SLC35F5: variants seen among roughly 807,000 people sequenced by gnomAD.
The protein encoded by SLC35F5 is HCV NS5A-transactivated protein 3.
A neutral mutation model predicts 68.6 loss-of-function variants in SLC35F5; 54 were observed. The ratio of observed to expected loss-of-function variants is 0.79; its 90% confidence interval spans 0.63 to 0.99. The LOEUF is 0.99. SLC35F5 is among the 50% of genes least tolerant of loss of function. SLC35F5 has a pLI of 0.00. For synonymous variants in SLC35F5, 211 were observed against 205.2 expected (o/e 1.03, Z -0.24); for missense variants, 567 against 626.9 (o/e 0.90, Z 1.02).
At chr2:113,704,769 T>C (rs1346192301), downstream of SLC35F5, among the ~76,000 whole-genome samples, 1 of 151,896 alleles carries the variant, frequency 6.6e-6, no homozygotes, top group African/African-American at 2.4e-5. Flanking sequence ...GCAGCCCCTG[T>C]TCCCGCCCTC....
At chr2:113,733,345 T>C in intron 9 of SLC35F5, 1 of 349,220 alleles carries the variant, frequency 2.9e-6, no homozygotes, top group South Asian at 2.3e-5. Flanking sequence ...AGAAGTAATG[T>C]ACTCTGTCAA....
chr2:113,727,817 T>C (rs1042836028), intron 11 of SLC35F5, among the ~76,000 whole-genome samples: 1 of 152,114 alleles, frequency 6.6e-6, no homozygotes, highest in South Asian at 2.1e-4. Context: ...CACATGTCTA[T>C]ATGCACTCTC....
Position 113,734,637 on chromosome 2 carries a change from C to T in SLC35F5, c.869G>A (p.Ser290Asn), listed in dbSNP as rs760926158. The change falls in exon 9 of 16, where the codon AGT becomes AAT. Residue 290 changes from serine to asparagine, a missense_variant. By Grantham distance (46) the Ser-to-Asn change is conservative. Transcript: ENST00000245680. ...AAGGGTAAATCTATCTCCACTGTTA[C>T]TTGGAAATACTGCAGCAAGGATTAA... is the stretch of plus-strand genomic sequence containing the variant. ...FTLILAAVFP[S>N]NSGDRFTLSK... 6.2e-7 allele frequency: 1 copy of T among 1,606,720 alleles called. No homozygotes were observed. Among genetic ancestry groups the T allele is most frequent in the Non-Finnish European group, 8.5e-7 (1 of 1,174,562 alleles).
chr2:113,755,015 G>A, intron 3 of SLC35F5, 150 bp downstream of exon 3: 2 of 661,362 alleles, frequency 3.0e-6, no homozygotes, highest in Non-Finnish European at 4.8e-6. Flanking sequence ...TTAACTTCAA[G>A]TGGCAATAAT....
At chr2:113,702,965 C>G (rs1458383991), downstream of SLC35F5, among the ~76,000 whole-genome samples, 1 of 152,002 alleles carries the variant, frequency 6.6e-6, no homozygotes, top group African/African-American at 2.4e-5. Context: ...AAAAACTTAG[C>G]CAGGCTTGTT....
rs2104950174 is a variant in SLC35F5, at chr2:113,710,026, G to C, written c.*5192C>G. Reference sequence around the variant, plus strand: ...GACAGGGGTCTTGCTGTATTGCCCAGCCTGATCTTGAACTCCTGGGCTCAC... The same window carrying C: ...GACAGGGGTCTTGCTGTATTGCCCACCCTGATCTTGAACTCCTGGGCTCAC... On this transcript the variant is annotated 3_prime_UTR_variant, in exon 16 of 16. Coordinates refer to ENST00000245680, the MANE Select transcript of SLC35F5 (RefSeq NM_025181.5). Among the ~76,000 whole-genome samples the C allele has an allele frequency of 6.6e-6, 1 of 151,976 alleles. No homozygotes were observed. Among genetic ancestry groups the C allele is most frequent in the Non-Finnish European group, 1.5e-5 (1 of 67,954 alleles).
At chr2:113,705,164 A>C (rs1686773029), downstream of SLC35F5, 1 of 152,192 alleles carries the variant, frequency 6.6e-6, no homozygotes, top group Non-Finnish European at 1.5e-5. Flanking sequence ...TTGAAACTGA[A>C]AGGGGCACTA....
chr2:113,742,817 G>C lies in SLC35F5; in HGVS notation c.625C>G (p.His209Asp). Residue 209 changes from histidine (H) to aspartate (D), a missense_variant, in exon 7 of 16, where the codon CAT becomes GAT. Physicochemically the swap from His to Asp is moderately conservative, Grantham distance 81. Coordinates refer to ENST00000245680, the MANE Select transcript of SLC35F5 (RefSeq NM_025181.5). ...CGAGACAACTTTGCTTCCAATGCAT[G>C]ACTTGACGGAAGCTGTCGAATCTCC... is the stretch of plus-strand genomic sequence containing the variant. Reference protein sequence around the residue: ...IMEIRQLPSSHALEAKLSRMS... With the variant: ...IMEIRQLPSSDALEAKLSRMS... 3 of 1,614,086 alleles carry C rather than the reference G, an allele frequency of 1.9e-6. No individual in the cohort carries two copies. Among genetic ancestry groups the C allele is most frequent in the Non-Finnish European group, 2.5e-6 (3 of 1,180,000 alleles).
chr2:113,746,244 C>T (rs373721776), intron 5 of SLC35F5, 33 bp downstream of exon 5: 4 of 1,571,470 alleles, frequency 2.5e-6, no homozygotes, highest in Non-Finnish European at 3.5e-6. Flanking sequence ...TCAACCCCAC[C>T]TCTCTATTCC....
Position 113,750,505 on chromosome 2 carries a change from AAAC to A in SLC35F5, c.334_336del (p.Val112del). On this transcript the variant is annotated inframe_deletion, in exon 4 of 16. Transcript: ENST00000245680. ...CAAATAATAAAGCCCAAAAGGTACAAAACAAACATAGATGTTTTTGCAAAGGTG... is the reference window on the plus strand; with the variant it reads ...CAAATAATAAAGCCCAAAAGGTACAAAAACATAGATGTTTTTGCAAAGGTG... 2 of 1,613,822 alleles carry A rather than the reference AAAC, an allele frequency of 1.2e-6. No homozygotes were observed. The highest frequency in any genetic ancestry group is 2.2e-5 in the South Asian group (2 of 91,012).
At chr2:113,744,100 A>T (rs752571813) in intron 5 of SLC35F5, among the ~76,000 whole-genome samples, 1 of 152,200 alleles carries the variant, frequency 6.6e-6, no homozygotes, top group Admixed American at 6.5e-5. Context: ...CTCAGCTAAC[A>T]GATTCTCTCT....
At chr2:113,726,215 T>G (rs551250647) in intron 11 of SLC35F5, among the ~76,000 whole-genome samples, 45 of 152,312 alleles carry the variant, frequency 3.0e-4, no homozygotes, top group Admixed American at 2.0e-3. Flanking sequence ...TTTTCCAATC[T>G]ATAAGCATAA....
intron 14 of SLC35F5, among the ~76,000 whole-genome samples, chr2:113,718,909 GAAAGAAAGAAAGAAAGAA>G (rs202028227): frequency 0.11 from 10,862 of 98,212 alleles, 616 homozygotes; most frequent in Middle Eastern, 0.24. Flanking sequence ...AAGAAAGAAA[GAAAGAAAGAAAGAAAGAA>G]AAAGAAAGGA....
intron 7 of SLC35F5, chr2:113,742,015 T>C (rs1343898547): frequency 6.6e-6 from 1 of 152,154 alleles, no homozygotes; most frequent in Non-Finnish European, 1.5e-5. Flanking sequence ...TTAGGCTACT[T>C]CCAATGATGT....
At chr2:113,733,884 C>T (rs1687987767) in intron 9 of SLC35F5, among the ~76,000 whole-genome samples, 1 of 152,238 alleles carries the variant, frequency 6.6e-6, no homozygotes. Flanking sequence ...ATCAAATCAT[C>T]CTGCTACCTT....
chr2:113,712,537 G>A lies in SLC35F5; in HGVS notation c.*2681C>T, dbSNP rs1011481457. Among the ~76,000 whole-genome samples the A allele has an allele frequency of 2.0e-5, 3 of 151,708 alleles. No homozygotes were observed. Among genetic ancestry groups the A allele is most frequent in the Non-Finnish European group, 2.9e-5 (2 of 67,934 alleles). ...TCACTGTGTTAACCAGGATGGTCTC[G>A]ATCTCCTGACCTCGTGATCCGCCCG... On this transcript the variant is annotated 3_prime_UTR_variant, in exon 16 of 16. Coordinates refer to ENST00000245680, the MANE Select transcript of SLC35F5 (RefSeq NM_025181.5).
chr2:113,756,391 GGCGTCGTGGCGGCACCATGA>G lies in SLC35F5; in HGVS notation c.-2_18del. On this transcript the variant is annotated start_lost and 5_prime_UTR_variant, in exon 1 of 16. Coordinates refer to ENST00000245680, the MANE Select transcript of SLC35F5 (RefSeq NM_025181.5). Reference sequence around the variant, plus strand: ...CTACCTGGCCTTCCTGCCCCGCGATGGCGTCGTGGCGGCACCATGAGCGGACCGGTCAGGCCCCGCAGCCG... The same window carrying G: ...CTACCTGGCCTTCCTGCCCCGCGATGGCGGACCGGTCAGGCCCCGCAGCCG... The G allele has an allele frequency of 6.4e-7, 1 of 1,565,164 alleles. No individual in the cohort carries two copies.
In SLC35F5 at chr2:113,756,593, G is replaced by A; in HGVS notation, c.-184C>T. Reference sequence around the variant, plus strand: ...CGGCCCAGGAGGGCGTGGAGCGGGTGAGGGGAAGGGACGGCACAGTCAGCT... The same window carrying A: ...CGGCCCAGGAGGGCGTGGAGCGGGTAAGGGGAAGGGACGGCACAGTCAGCT... On this transcript the variant is annotated 5_prime_UTR_variant, in exon 1 of 16. Transcript: ENST00000245680. 1 of 1,410,974 alleles carries A rather than the reference G, an allele frequency of 7.1e-7. No individual in the cohort carries two copies. Among genetic ancestry groups the A allele is most frequent in the Non-Finnish European group, 9.3e-7 (1 of 1,080,336 alleles). 87.4% of individuals were successfully genotyped at this position (1,410,974 alleles called of 1,614,324 possible). A position where few individuals can be genotyped will look rare whatever the true frequency, so the allele number is the denominator to read the frequency against.
chr2:113,734,452 C>A, intron 9 of SLC35F5, 134 bp downstream of exon 9: 1 of 594,324 alleles, frequency 1.7e-6, no homozygotes. Context: ...TAAGTAGCAT[C>A]ATGTCCACTT....
Sources: allele counts gnomAD v4.1 joint callset (sites outside exome capture counted in the v4.1 genomes callset), GRCh38; gene constraint gnomAD v4.1.1; transcripts MANE v1.5; gene names NCBI Gene and HGNC (gene_info 2026-07-23, HGNC 2026-07-21).